LAMA4: variants seen among roughly 807,000 people sequenced by gnomAD.
LAMA4 encodes laminin subunit alpha 4, also known as laminin subunit alpha-4.
A neutral mutation model predicts 207.1 loss-of-function variants in LAMA4; 127 were observed. The ratio of observed to expected loss-of-function variants is 0.61; its 90% confidence interval spans 0.53 to 0.71. LAMA4 has a LOEUF of 0.71. Among genes scored for constraint, LAMA4 ranks in the 30% least tolerant of loss-of-function variants. LAMA4 has a pLI of 0.00. For missense variants in LAMA4, 2,093 were observed against 2,246.5 expected, an observed-to-expected ratio of 0.93 and a Z score of 1.38; for synonymous variants, 761 against 816.0, an observed-to-expected ratio of 0.93 and a Z score of 1.15.
intron 2 of LAMA4, among the ~76,000 whole-genome samples, chr6:112,225,471 G>A (rs1410922959): frequency 6.6e-6 from 1 of 152,170 alleles, no homozygotes; most frequent in African/African-American, 2.4e-5. Flanking sequence ...TCAGAGGATG[G>A]TTTGCACATA....
intron 3 of LAMA4, among the ~76,000 whole-genome samples, chr6:112,207,783 C>T (rs1583892815): frequency 1.3e-5 from 2 of 152,008 alleles, no homozygotes; most frequent in South Asian, 2.1e-4. Context: ...GCAGGCTGAC[C>T]CTTCTGTCTG....
In LAMA4 at chr6:112,201,596, T is replaced by G. The variant is rs1554352411; in HGVS notation, c.503+12A>C. On this transcript the variant is annotated intron_variant, in intron 5 of 38. Transcript: ENST00000230538. ...TGACCCACACAGAAAATAGAGAATTTTATTGGCTTACCTTTCACAGTTAGG... is the reference window on the plus strand; with the variant it reads ...TGACCCACACAGAAAATAGAGAATTGTATTGGCTTACCTTTCACAGTTAGG... 1 of 1,609,688 alleles carries G rather than the reference T, an allele frequency of 6.2e-7. No homozygotes were observed. Among genetic ancestry groups the G allele is most frequent in the African/African-American group, 1.3e-5 (1 of 74,830 alleles).
chr6:112,173,497 T>C (rs1415458390), intron 11 of LAMA4, among the ~76,000 whole-genome samples: 1 of 152,198 alleles, frequency 6.6e-6, no homozygotes, highest in Non-Finnish European at 1.5e-5. Flanking sequence ...GGAAAATGCA[T>C]TCTAGGTGGA....
At chr6:112,171,835 G>C (rs1340727507) in intron 12 of LAMA4, 1 of 152,318 alleles carries the variant, frequency 6.6e-6, no homozygotes, top group Non-Finnish European at 1.5e-5. Context: ...CTGAAAATCA[G>C]GCTAGAGAGC....
intron 3 of LAMA4, among the ~76,000 whole-genome samples, chr6:112,208,253 C>CT (rs1784178253): frequency 6.6e-6 from 1 of 152,142 alleles, no homozygotes; most frequent in African/African-American, 2.4e-5. Context: ...AACAGGACAA[C>CT]TTTTTTAAAA....
intron 4 of LAMA4, among the ~76,000 whole-genome samples, chr6:112,205,922 TG>T (rs1562731871): frequency 6.6e-6 from 1 of 152,112 alleles, no homozygotes; most frequent in Non-Finnish European, 1.5e-5. Context: ...CAACAAGGCT[TG>T]GGGGGCTTCC....
chr6:112,185,470 G>T (rs1373448569), intron 8 of LAMA4, 123 bp from the exon 9 acceptor site: 7 of 690,002 alleles, frequency 1.0e-5, no homozygotes, highest in Non-Finnish European at 1.8e-5. Context: ...CAAAATAGTG[G>T]GGTCCGCAGG....
At chr6:112,173,171 T>G (rs1345035736) in intron 11 of LAMA4, among the ~76,000 whole-genome samples, 1 of 152,182 alleles carries the variant, frequency 6.6e-6, no homozygotes, top group Non-Finnish European at 1.5e-5. Context: ...ATAACCAAAC[T>G]TATCTTGTCG....
chr6:112,121,824 G>T, intron 32 of LAMA4, 190 bp downstream of exon 32: 1 of 573,032 alleles, frequency 1.7e-6, no homozygotes, highest in Admixed American at 2.8e-5. Flanking sequence ...CCTTACAATT[G>T]GAAAGTCACA....
chr6:112,149,202 T>C (rs781942733), intron 17 of LAMA4, among the ~76,000 whole-genome samples: 5 of 151,830 alleles, frequency 3.3e-5, no homozygotes, highest in Non-Finnish European at 7.4e-5. Context: ...TCACATATTC[T>C]GGATTCTGAT....
chr6:112,191,591 G>C, intron 6 of LAMA4, 45 bp downstream of exon 6: 1 of 1,368,718 alleles, frequency 7.3e-7, no homozygotes. Context: ...ATTGGCAGAG[G>C]GTCATGCTGG....
In LAMA4 at chr6:112,173,737, C is replaced by T. The variant is rs190032958; in HGVS notation, c.1358-933G>A. ...CCTGTATGTCAGTAATGTCTTTCTA[C>T]AGTATCCACAATAATTGTTAGCAGA... On this transcript the variant is annotated intron_variant, in intron 11 of 38. Transcript: ENST00000230538. Among the ~76,000 whole-genome samples the T allele has an allele frequency of 8.5e-5, 13 of 152,282 alleles. No individual in the cohort carries two copies. The East Asian group carries it at 2.5e-3, about 29-fold the overall frequency.
chr6:112,165,031 C>T, intron 13 of LAMA4, 129 bp downstream of exon 13: 1 of 748,126 alleles, frequency 1.3e-6, no homozygotes, highest in Non-Finnish European at 2.5e-6. Flanking sequence ...GAAACTAAAA[C>T]ATTCAGTCAT....
At chr6:112,120,726 G>T (rs1554325929) in intron 32 of LAMA4, among the ~76,000 whole-genome samples, 1 of 152,104 alleles carries the variant, frequency 6.6e-6, no homozygotes, top group African/African-American at 2.4e-5. Context: ...TTCAGTTAAG[G>T]ATCTTACTGT....
At chr6:112,158,580 C>T (rs1454238951) in intron 14 of LAMA4, 152 bp downstream of exon 14, 1 of 759,820 alleles carries the variant, frequency 1.3e-6, no homozygotes, top group Non-Finnish European at 2.2e-6. Context: ...AACCAAGGAA[C>T]CAACCAACCA....
At chr6:112,217,780 AT>A (rs1454573137) in intron 2 of LAMA4, 2 of 152,202 alleles carry the variant, frequency 1.3e-5, no homozygotes, top group African/African-American at 4.8e-5. Context: ...TCAATTTATA[AT>A]TTTTTAATGG....
chr6:112,165,686 C>T (rs1583773124), intron 12 of LAMA4, among the ~76,000 whole-genome samples: 2 of 152,286 alleles, frequency 1.3e-5, no homozygotes, highest in South Asian at 2.1e-4. Flanking sequence ...TTGGGCCTGA[C>T]ACAAACAGCC....
rs1554190559 is a variant in LAMA4 at position 112,254,120 on chromosome 6, G to A, written c.31C>T (p.Leu11=). Residue 11 remains leucine, a synonymous_variant, in exon 2 of 39, where the codon CTG becomes TTG. Transcript: ENST00000230538. ...GCGCTCCAGAGGAGCCACAGAGGCA[G>A]AACCGAGCGCCAGGCTGAGCTCAAA... MALSSAWRSV[L]PLWLLWSAAC... 6.2e-7 allele frequency: 1 copy of A among 1,612,972 alleles called. No individual in the cohort carries two copies.
intron 16 of LAMA4, among the ~76,000 whole-genome samples, chr6:112,152,705 CT>C (rs782690882): frequency 2.0e-5 from 3 of 151,990 alleles, no homozygotes; most frequent in Non-Finnish European, 4.4e-5. Context: ...TTAATGTTAT[CT>C]TTCCCCCCCA....
Sources: gnomAD v4.1 joint callset for allele counts (sites outside exome capture counted in the v4.1 genomes callset) on GRCh38, gnomAD v4.1.1 for gene constraint, MANE v1.5 for transcripts, NCBI Gene and HGNC (gene_info 2026-07-23, HGNC 2026-07-21) for gene names.